The following APBB2 variants were observed in gnomAD, a reference collection of about 807,000 sequenced individuals.
APBB2 encodes Fe65-like 1.
A neutral mutation model predicts 82.5 loss-of-function variants in APBB2; 38 were observed. The observed-to-expected ratio is 0.46, with a 90% confidence interval of 0.36 to 0.60. The LOEUF (loss-of-function observed/expected upper bound fraction) is 0.60. Ranked by LOEUF, APBB2 falls within the 20% of genes least tolerant of loss-of-function variation. The pLI, the probability that APBB2 is intolerant of heterozygous loss-of-function variation, is 0.00. For synonymous variants in APBB2, 341 were observed against 368.2 expected (o/e 0.93, Z 0.85); for missense variants, 772 against 972.3 (o/e 0.79, Z 2.74).
intron 6 of APBB2, among the ~76,000 whole-genome samples, chr4:40,964,775 C>CACACACACACACACACACACAA (rs1170561072): frequency 2.0e-5 from 3 of 151,908 alleles, no homozygotes; most frequent in South Asian, 4.2e-4. Context: ...CACACACACA[C>CACACACACACACACACACACAA]AACAATGCAC....
At chr4:40,900,601 G>A (rs756086260) in intron 10 of APBB2, among the ~76,000 whole-genome samples, 9 of 151,804 alleles carry the variant, frequency 5.9e-5, no homozygotes, top group Non-Finnish European at 8.8e-5. Context: ...GATTACAGGC[G>A]CAGACCACCA....
chr4:41,056,553 A>T (rs1477697953), intron 4 of APBB2, among the ~76,000 whole-genome samples: 1 of 152,180 alleles, frequency 6.6e-6, no homozygotes, highest in Non-Finnish European at 1.5e-5. Context: ...TCTAAATGAC[A>T]CAGTTACCAC....
intron 4 of APBB2, among the ~76,000 whole-genome samples, chr4:41,049,518 C>T (rs1256241399): frequency 6.9e-6 from 1 of 145,754 alleles, no homozygotes; most frequent in Non-Finnish European, 1.5e-5. Context: ...TGGGGGCCAG[C>T]CCCCGCCCGG....
intron 6 of APBB2, among the ~76,000 whole-genome samples, chr4:41,010,054 A>G (rs1417970747): frequency 6.6e-6 from 1 of 152,226 alleles, no homozygotes; most frequent in Non-Finnish European, 1.5e-5. Context: ...GTGTGATTAA[A>G]GCAAAGTGAT....
chr4:40,902,015 C>G (rs1417144460), intron 10 of APBB2, among the ~76,000 whole-genome samples: 1 of 152,010 alleles, frequency 6.6e-6, no homozygotes, highest in Non-Finnish European at 1.5e-5. Flanking sequence ...TATATCTTCA[C>G]TTAACATCAT....
Position 41,013,766 on chromosome 4 carries a change from G to C in APBB2, c.652C>G (p.Pro218Ala). Reference protein sequence around the residue: ...LQKPNRPQSSPEDGQVATVSS... With the variant: ...LQKPNRPQSSAEDGQVATVSS... ...ACTGTGGCTACTTGGCCGTCTTCAGGGCTGGACTGGGGTCTGTTTGGTTTC... is the reference window on the plus strand; with the variant it reads ...ACTGTGGCTACTTGGCCGTCTTCAGCGCTGGACTGGGGTCTGTTTGGTTTC... Residue 218 changes from proline (P) to alanine (A), a missense_variant, in exon 6 of 18, where the codon CCT becomes GCT. Coordinates refer to ENST00000508593, the MANE Select transcript of APBB2 (RefSeq NM_004307.2). 1 of 1,614,214 alleles carries C rather than the reference G, an allele frequency of 6.2e-7. No homozygotes were observed. The highest frequency in any genetic ancestry group is 8.5e-7 in the Non-Finnish European group (1 of 1,180,034).
intron 6 of APBB2, among the ~76,000 whole-genome samples, chr4:40,960,071 G>C (rs1245428874): frequency 6.6e-6 from 1 of 152,176 alleles, no homozygotes; most frequent in African/African-American, 2.4e-5. Flanking sequence ...CAGTAGAACG[G>C]AGGTAAATTG....
intron 4 of APBB2, among the ~76,000 whole-genome samples, chr4:41,043,047 A>G (rs1722123295): frequency 6.6e-6 from 1 of 152,144 alleles, no homozygotes; most frequent in African/African-American, 2.4e-5. Flanking sequence ...TTTGAGGTTT[A>G]TGTTCTCCCT....
chr4:40,907,304 C>T (rs573416622), intron 10 of APBB2, among the ~76,000 whole-genome samples: 2 of 146,192 alleles, frequency 1.4e-5, no homozygotes, highest in South Asian at 4.3e-4. Flanking sequence ...GGGCTCTACT[C>T]CAATAGGACT....
At chr4:40,888,744 G>A (rs11942530) in intron 12 of APBB2, among the ~76,000 whole-genome samples, 16,125 of 134,514 alleles carry the variant, frequency 0.12, 1,704 homozygotes, top group Admixed American at 0.21. Flanking sequence ...CTCCTGCCTC[G>A]CACACATATG....
chr4:41,029,920 G>A (rs573369778), intron 5 of APBB2, among the ~76,000 whole-genome samples: 92 of 152,258 alleles, frequency 6.0e-4, no homozygotes, highest in African/African-American at 2.1e-3. Flanking sequence ...ACTTTGGGAG[G>A]CTGAGGCAGG....
intron 10 of APBB2, among the ~76,000 whole-genome samples, chr4:40,908,782 G>A (rs949927013): frequency 4.6e-5 from 7 of 152,200 alleles, no homozygotes; most frequent in Non-Finnish European, 8.8e-5. Flanking sequence ...GTACCTCAGA[G>A]CCGACAATGG....
intron 1 of APBB2, among the ~76,000 whole-genome samples, chr4:41,190,239 C>CTTTT (rs1479369935): frequency 6.4e-5 from 7 of 109,152 alleles, no homozygotes; most frequent in African/African-American, 2.7e-4. Context: ...CCTACATAGG[C>CTTTT]TATTTTTTTT....
At chr4:40,871,717 T>C (rs1048871526) in intron 12 of APBB2, among the ~76,000 whole-genome samples, 1 of 152,202 alleles carries the variant, frequency 6.6e-6, no homozygotes, top group Non-Finnish European at 1.5e-5. Flanking sequence ...CAGTAAACCA[T>C]AAAGCATTGT....
chr4:41,139,092 T>C (rs1435549452), intron 2 of APBB2, among the ~76,000 whole-genome samples: 1 of 152,024 alleles, frequency 6.6e-6, no homozygotes, highest in East Asian at 1.9e-4. Flanking sequence ...CTGAAAGAAA[T>C]GGAAACATGT....
intron 10 of APBB2, among the ~76,000 whole-genome samples, chr4:40,927,938 G>A (rs1431960923): frequency 1.3e-5 from 2 of 152,242 alleles, no homozygotes; most frequent in Non-Finnish European, 2.9e-5. Flanking sequence ...CAATTTGATT[G>A]TAACTGGTTT....
At chr4:41,032,104 AAATAT>A (rs1717049699) in intron 5 of APBB2, among the ~76,000 whole-genome samples, 1 of 152,204 alleles carries the variant, frequency 6.6e-6, no homozygotes, top group East Asian at 1.9e-4. Context: ...TTCTTTGTTG[AAATAT>A]AACATGAAAA....
intron 1 of APBB2, among the ~76,000 whole-genome samples, chr4:41,145,704 C>G (rs1347268849): frequency 6.6e-6 from 1 of 152,146 alleles, no homozygotes; most frequent in Non-Finnish European, 1.5e-5. Context: ...GTTGATAACA[C>G]TACAGTCCCA....
intron 1 of APBB2, among the ~76,000 whole-genome samples, chr4:41,146,467 C>A (rs1278817889): frequency 2.6e-5 from 4 of 152,018 alleles, no homozygotes; most frequent in Non-Finnish European, 5.9e-5. Flanking sequence ...GCACTCCAGC[C>A]TGGGCAAGAG....
Sources: allele counts gnomAD v4.1 joint callset (sites outside exome capture counted in the v4.1 genomes callset), GRCh38; gene constraint gnomAD v4.1.1; transcripts MANE v1.5; gene names NCBI Gene and HGNC (gene_info 2026-07-23, HGNC 2026-07-21).